Variants in JPH3 observed in about 807,000 individuals in gnomAD.
The protein encoded by JPH3 is junctophilin-3.
In JPH3, 11 loss-of-function variants were observed where a neutral mutation model predicts 59.6. The observed-to-expected ratio is 0.18, with a 90% CI of 0.12 to 0.31. The LOEUF (loss-of-function observed/expected upper bound fraction) is 0.31. Among genes scored for constraint, JPH3 ranks in the 10% least tolerant of loss-of-function variants. JPH3 has a pLI of 1.00. For missense variants in JPH3, 1,202 were observed against 1,105.7 expected (o/e 1.09, Z -1.24); for synonymous variants, 673 against 483.6 (o/e 1.39, Z -5.14).
At chr16:87,609,487 G>A (rs1282272060) in intron 1 of JPH3, among the ~76,000 whole-genome samples, 4 of 152,158 alleles carry the variant, frequency 2.6e-5, no homozygotes, top group African/African-American at 9.7e-5. Context: ...GGCTGGTCTT[G>A]AACTGAACTC....
chr16:87,630,505 C>T (rs568760888), intron 1 of JPH3, among the ~76,000 whole-genome samples: 5 of 152,314 alleles, frequency 3.3e-5, no homozygotes, highest in East Asian at 1.9e-4. Flanking sequence ...CCCACACCCA[C>T]GTTGACAACG....
At chr16:87,646,343 C>A (rs1409919512) in intron 2 of JPH3, among the ~76,000 whole-genome samples, 2 of 152,200 alleles carry the variant, frequency 1.3e-5, no homozygotes, top group African/African-American at 4.8e-5. Context: ...AAGATCGATT[C>A]CAAGAAGCTG....
intron 3 of JPH3, among the ~76,000 whole-genome samples, chr16:87,685,371 CA>C (rs1299528365): frequency 1.3e-5 from 2 of 152,242 alleles, no homozygotes; most frequent in Non-Finnish European, 2.9e-5. Flanking sequence ...ACACGCACCC[CA>C]AAGTGTCCAA....
chr16:87,668,441 G>C (rs1484707516), intron 2 of JPH3, among the ~76,000 whole-genome samples: 1 of 152,180 alleles, frequency 6.6e-6, no homozygotes, highest in Non-Finnish European at 1.5e-5. Context: ...GGGTGAGTCA[G>C]TTCCCTTCAC....
intron 1 of JPH3, among the ~76,000 whole-genome samples, chr16:87,622,260 CAG>C (rs997895612): frequency 6.6e-6 from 1 of 152,180 alleles, no homozygotes; most frequent in African/African-American, 2.4e-5. Context: ...GGTGATGGCT[CAG>C]GGGAAGTTTC....
At chr16:87,682,938 C>T (rs1597288261) in intron 2 of JPH3, among the ~76,000 whole-genome samples, 1 of 152,276 alleles carries the variant, frequency 6.6e-6, no homozygotes, top group Admixed American at 6.5e-5. Flanking sequence ...TGTCTAGTCC[C>T]TTGTCTTACA....
chr16:87,617,505 C>T (rs1404434260), intron 1 of JPH3, among the ~76,000 whole-genome samples: 2 of 151,970 alleles, frequency 1.3e-5, no homozygotes, highest in African/African-American at 2.4e-5. Context: ...CACGTGGTCA[C>T]TCTGGTGCTG....
chr16:87,644,192 T>C (rs2032052400), intron 1 of JPH3, 66 bp from the exon 2 acceptor site: 1 of 1,499,982 alleles, frequency 6.7e-7, no homozygotes, highest in East Asian at 2.3e-5. Flanking sequence ...TTCAACCCTG[T>C]CCGTGGCCAG....
chr16:87,689,799 TC>T lies in JPH3; in HGVS notation c.1443del (p.Thr482ProfsTer127). ...LTPDDSPLQS[F>X]PTSPAATPPP... ...CCCGACGACAGCCCCCTGCAGAGCTTCCCCACCAGCCCCGCGGCCACCCCGC... is the reference window on the plus strand; with the variant it reads ...CCCGACGACAGCCCCCTGCAGAGCTTCCCACCAGCCCCGCGGCCACCCCGC... On this transcript the variant is annotated frameshift_variant, in exon 4 of 5. Coordinates refer to ENST00000284262, the MANE Select transcript of JPH3 (RefSeq NM_020655.4). LOFTEE classifies it high-confidence loss of function. 1 of 1,597,048 alleles carries T rather than the reference TC, an allele frequency of 6.3e-7. No individual in the cohort carries two copies. The highest frequency in any genetic ancestry group is 8.5e-7 in the Non-Finnish European group (1 of 1,171,692).
intron 1 of JPH3, among the ~76,000 whole-genome samples, chr16:87,633,036 C>T (rs1324100479): frequency 6.6e-6 from 1 of 152,150 alleles, no homozygotes; most frequent in Non-Finnish European, 1.5e-5. Context: ...CTTCTCCTGT[C>T]CTTTTACTTC....
At chr16:87,677,030 G>T (rs943895793) in intron 2 of JPH3, among the ~76,000 whole-genome samples, 5 of 151,442 alleles carry the variant, frequency 3.3e-5, no homozygotes, top group Admixed American at 6.6e-5. Flanking sequence ...GTGGTGGCGG[G>T]CGCCTGTAGT....
intron 4 of JPH3, chr16:87,694,054 A>C (rs2033698268): frequency 6.6e-6 from 1 of 152,230 alleles, no homozygotes; most frequent in Non-Finnish European, 1.5e-5. Flanking sequence ...CAGGCCACAG[A>C]CGGGGCTACG....
intron 2 of JPH3, among the ~76,000 whole-genome samples, chr16:87,645,918 G>T (rs1287965397): frequency 1.3e-5 from 2 of 152,242 alleles, no homozygotes; most frequent in Admixed American, 1.3e-4. Context: ...TTACTAAAGG[G>T]CTTTGTCAAG....
At chr16:87,634,424 C>T (rs1567590766) in intron 1 of JPH3, among the ~76,000 whole-genome samples, 1 of 152,214 alleles carries the variant, frequency 6.6e-6, no homozygotes, top group Non-Finnish European at 1.5e-5. Flanking sequence ...ATCGGAAGCC[C>T]ACAGGAGCCA....
At chr16:87,683,126 C>T (rs1184465143) in intron 2 of JPH3, among the ~76,000 whole-genome samples, 3 of 152,198 alleles carry the variant, frequency 2.0e-5, no homozygotes, top group Admixed American at 6.5e-5. Context: ...GCCCTGGGTT[C>T]CCAAGTCAGA....
At chr16:87,638,432 C>T (rs1286337311) in intron 1 of JPH3, among the ~76,000 whole-genome samples, 1 of 152,160 alleles carries the variant, frequency 6.6e-6, no homozygotes, top group African/African-American at 2.4e-5. Context: ...ACGCCAGAGG[C>T]TACTGGGGAG....
chr16:87,641,886 A>T (rs1184644825), intron 1 of JPH3, among the ~76,000 whole-genome samples: 1 of 152,196 alleles, frequency 6.6e-6, no homozygotes, highest in African/African-American at 2.4e-5. Flanking sequence ...ATTCTGGAAC[A>T]TCTAAGACCC....
At chr16:87,630,518 C>T (rs1024091843) in intron 1 of JPH3, among the ~76,000 whole-genome samples, 7 of 152,192 alleles carry the variant, frequency 4.6e-5, no homozygotes, top group African/African-American at 7.2e-5. Context: ...TGACAACGTA[C>T]GAGTCCCCTC....
At chr16:87,688,084 C>G (rs1005267193) in intron 3 of JPH3, among the ~76,000 whole-genome samples, 2 of 152,182 alleles carry the variant, frequency 1.3e-5, no homozygotes, top group Non-Finnish European at 2.9e-5. Context: ...CAGTTCTACA[C>G]AGACCTTCTC....
Sources: allele counts gnomAD v4.1 joint callset (sites outside exome capture counted in the v4.1 genomes callset), GRCh38; gene constraint gnomAD v4.1.1; transcripts MANE v1.5; gene names NCBI Gene and HGNC (gene_info 2026-07-23, HGNC 2026-07-21).